WWOX: variants seen among roughly 807,000 people sequenced by gnomAD.
WWOX encodes the protein WW domain-containing oxidoreductase.
A neutral mutation model predicts 46.2 loss-of-function variants in WWOX; 69 were observed. The observed-to-expected ratio is 1.49, with a 90% confidence interval of 1.23 to 1.82. WWOX has a LOEUF of 1.82. Ranked by LOEUF, WWOX falls within the 40% of genes most tolerant of loss-of-function variation. WWOX has a pLI of 0.00. For synonymous variants in WWOX, 359 were observed against 202.6 expected (o/e 1.77, Z -6.56); for missense variants, 919 against 542.6 (o/e 1.69, Z -6.89).
chr16:78,288,077 C>A (rs914530117), intron 5 of WWOX, among the ~76,000 whole-genome samples: 4 of 152,000 alleles, frequency 2.6e-5, no homozygotes, highest in Non-Finnish European at 4.4e-5. Context: ...TTTAACTGTG[C>A]AATTTAAGTA....
intron 8 of WWOX, among the ~76,000 whole-genome samples, chr16:78,612,164 A>C (rs751996020): frequency 3.9e-5 from 6 of 152,208 alleles, no homozygotes; most frequent in Non-Finnish European, 8.8e-5. Context: ...CACAGTGAGG[A>C]GGTATTCTTT....
intron 8 of WWOX, among the ~76,000 whole-genome samples, chr16:78,849,573 CAAAAAAAA>C (rs778723646): frequency 1.0e-5 from 1 of 97,340 alleles, no homozygotes; most frequent in African/African-American, 4.2e-5. Context: ...GAATCCCTCT[CAAAAAAAA>C]AAAAAAAAAA....
chr16:78,975,365 T>C (rs1322339455), intron 8 of WWOX, among the ~76,000 whole-genome samples: 2 of 151,966 alleles, frequency 1.3e-5, no homozygotes, highest in Admixed American at 6.6e-5. Flanking sequence ...ACATCCTACA[T>C]GAACAGGGCA....
chr16:78,747,631 C>G (rs1282941025), intron 8 of WWOX, among the ~76,000 whole-genome samples: 2 of 152,122 alleles, frequency 1.3e-5, no homozygotes, highest in African/African-American at 4.8e-5. Context: ...CCTGCCTCTC[C>G]TCACCCACTC....
chr16:78,972,623 C>T (rs911035128), intron 8 of WWOX, among the ~76,000 whole-genome samples: 1 of 152,094 alleles, frequency 6.6e-6, no homozygotes, highest in African/African-American at 2.4e-5. Context: ...AAAGTACATA[C>T]CGCTGCACAT....
intron 8 of WWOX, among the ~76,000 whole-genome samples, chr16:79,121,309 G>A (rs981672032): frequency 4.6e-5 from 7 of 152,112 alleles, no homozygotes; most frequent in South Asian, 2.1e-4. Flanking sequence ...GTGAAAACTC[G>A]CTCATGATAT....
intron 5 of WWOX, among the ~76,000 whole-genome samples, chr16:78,324,577 G>A (rs569531966): frequency 7.2e-5 from 11 of 152,248 alleles, no homozygotes; most frequent in East Asian, 3.9e-4. Flanking sequence ...TGGTAAATGC[G>A]TGTAATGGAA....
At chr16:78,659,891 A>G (rs1295337556) in intron 8 of WWOX, among the ~76,000 whole-genome samples, 1 of 152,198 alleles carries the variant, frequency 6.6e-6, no homozygotes, top group Non-Finnish European at 1.5e-5. Flanking sequence ...CCCAGGCTCA[A>G]CTATCAGCCG....
chr16:79,088,345 C>T (rs761888368), intron 8 of WWOX, among the ~76,000 whole-genome samples: 3 of 152,110 alleles, frequency 2.0e-5, no homozygotes, highest in Non-Finnish European at 2.9e-5. Context: ...ATCCATGTAG[C>T]GGCAGGAATT....
At chr16:78,917,336 C>G (rs1042593073) in intron 8 of WWOX, among the ~76,000 whole-genome samples, 1 of 152,168 alleles carries the variant, frequency 6.6e-6, no homozygotes, top group Non-Finnish European at 1.5e-5. Flanking sequence ...TGGTGTCCCA[C>G]ACTCAAATAA....
chr16:79,152,734 G>A (rs990322941), intron 8 of WWOX, among the ~76,000 whole-genome samples: 17 of 151,976 alleles, frequency 1.1e-4, no homozygotes, highest in Non-Finnish European at 2.1e-4. Context: ...GTGGCCAGCA[G>A]TCAGCTTAGT....
chr16:79,155,935 C>G (rs2050373230), intron 8 of WWOX, among the ~76,000 whole-genome samples: 1 of 151,502 alleles, frequency 6.6e-6, no homozygotes, highest in African/African-American at 2.4e-5. Context: ...CTGTTGATTT[C>G]TAAACATCGA....
At chr16:78,227,745 C>T (rs140539367) in intron 5 of WWOX, among the ~76,000 whole-genome samples, 388 of 152,088 alleles carry the variant, frequency 2.6e-3, no homozygotes, top group Middle Eastern at 6.8e-3. Flanking sequence ...GGTGCGGTGG[C>T]GCAAACCTGT....
chr16:78,271,231 T>C (rs1280270606), intron 5 of WWOX, among the ~76,000 whole-genome samples: 2 of 152,238 alleles, frequency 1.3e-5, no homozygotes, highest in Non-Finnish European at 2.9e-5. Flanking sequence ...GATGGTTTTT[T>C]TCGTCCACCT....
At chr16:79,094,368 G>C (rs2049026910) in intron 8 of WWOX, among the ~76,000 whole-genome samples, 2 of 151,096 alleles carry the variant, frequency 1.3e-5, no homozygotes, top group Non-Finnish European at 2.9e-5. Flanking sequence ...CCCTGCCTTA[G>C]CCTCCCAGGT....
At chr16:78,529,001 C>T (rs72803909) in intron 8 of WWOX, among the ~76,000 whole-genome samples, 11,115 of 149,192 alleles carry the variant, frequency 0.075, 535 homozygotes, top group East Asian at 0.12. Flanking sequence ...TTGCCCAGGC[C>T]GGAGTACAGT....
intron 8 of WWOX, among the ~76,000 whole-genome samples, chr16:78,596,070 A>T (rs1378605729): frequency 6.6e-6 from 1 of 152,186 alleles, no homozygotes; most frequent in Admixed American, 6.5e-5. Flanking sequence ...CTCATTTTTT[A>T]TATTCAAAAT....
At chr16:78,927,083 A>G (rs936037934) in intron 8 of WWOX, among the ~76,000 whole-genome samples, 4 of 152,206 alleles carry the variant, frequency 2.6e-5, no homozygotes, top group Admixed American at 2.6e-4. Flanking sequence ...GGCATGAGCC[A>G]CCATGCCCTG....
At chr16:78,506,504 C>G (rs549678166) in intron 8 of WWOX, 1 of 152,274 alleles carries the variant, frequency 6.6e-6, no homozygotes, top group East Asian at 1.9e-4. Context: ...GTTTATGGCC[C>G]GGTGAGACCG....
Sources: allele counts gnomAD v4.1 joint callset (sites outside exome capture counted in the v4.1 genomes callset), GRCh38; gene constraint gnomAD v4.1.1; transcripts MANE v1.5; gene names NCBI Gene and HGNC (gene_info 2026-07-23, HGNC 2026-07-21).